The following LPP variants were observed in gnomAD, a reference collection of about 807,000 sequenced individuals.
LPP encodes the protein lipoma-preferred partner.
LPP carries 38 observed loss-of-function variants against 60.4 expected under a neutral mutation model. The ratio of observed to expected loss-of-function variants is 0.63; its 90% CI spans 0.49 to 0.83. The LOEUF is 0.83. Among genes scored for constraint, LPP ranks in the 40% least tolerant of loss-of-function variants. The pLI, the probability that LPP is intolerant of heterozygous loss-of-function variation, is 0.00. For missense variants in LPP, 902 were observed against 783.6 expected, an observed-to-expected ratio of 1.15 and a Z score of -1.80; for synonymous variants, 328 against 290.8, an observed-to-expected ratio of 1.13 and a Z score of -1.30.
At chr3:188,375,048 G>A (rs999258735) in intron 3 of LPP, among the ~76,000 whole-genome samples, 9 of 152,146 alleles carry the variant, frequency 5.9e-5, no homozygotes, top group Non-Finnish European at 8.8e-5. Context: ...TGCATCCCAG[G>A]GATGAAACCC....
intron 1 of LPP, among the ~76,000 whole-genome samples, chr3:188,220,857 G>GC (rs1365796999): frequency 1.3e-5 from 2 of 152,140 alleles, no homozygotes; most frequent in African/African-American, 4.8e-5. Context: ...AAAGCCACCT[G>GC]CCCCCCGACT....
At chr3:188,375,655 A>C (rs1774822516) in intron 3 of LPP, among the ~76,000 whole-genome samples, 1 of 152,126 alleles carries the variant, frequency 6.6e-6, no homozygotes, top group Non-Finnish European at 1.5e-5. Flanking sequence ...TAAAAAAACC[A>C]GCTCCTGGAT....
intron 9 of LPP, among the ~76,000 whole-genome samples, chr3:188,851,132 G>A (rs1232587521): frequency 6.6e-6 from 1 of 152,202 alleles, no homozygotes; most frequent in Non-Finnish European, 1.5e-5. Flanking sequence ...GCAGCCTCAG[G>A]GGCTGGAAAA....
intron 3 of LPP, among the ~76,000 whole-genome samples, chr3:188,362,623 G>A (rs972715397): frequency 3.3e-5 from 5 of 152,128 alleles, no homozygotes. Flanking sequence ...TTTACAATAT[G>A]AACACACACG....
intron 2 of LPP, among the ~76,000 whole-genome samples, chr3:188,306,233 A>T (rs1323896065): frequency 6.7e-6 from 1 of 148,502 alleles, no homozygotes; most frequent in East Asian, 2.0e-4. Context: ...GGTGTGCACC[A>T]CCATGTCCAG....
intron 3 of LPP, among the ~76,000 whole-genome samples, chr3:188,381,877 A>G (rs1776994114): frequency 6.6e-6 from 1 of 151,890 alleles, no homozygotes. Context: ...CATGTTCCAG[A>G]CTCAAGCTAT....
intron 6 of LPP, among the ~76,000 whole-genome samples, chr3:188,600,563 T>A (rs1840939539): frequency 1.3e-5 from 2 of 152,032 alleles, no homozygotes; most frequent in Non-Finnish European, 2.9e-5. Flanking sequence ...ATATACATAA[T>A]ACAGAATTTC....
intron 3 of LPP, among the ~76,000 whole-genome samples, chr3:188,405,703 GATTATT>G (rs1000658007): frequency 3.3e-5 from 5 of 152,074 alleles, no homozygotes; most frequent in African/African-American, 1.2e-4. Flanking sequence ...TAATTTAATA[GATTATT>G]AATAAAATTC....
intron 4 of LPP, among the ~76,000 whole-genome samples, chr3:188,484,223 A>G (rs1035408255): frequency 2.0e-5 from 3 of 152,136 alleles, no homozygotes; most frequent in South Asian, 2.1e-4. Flanking sequence ...ACCTTGTGTT[A>G]TCTTTAGTTT....
chr3:188,548,958 G>A (rs1827358270), intron 6 of LPP, among the ~76,000 whole-genome samples: 1 of 152,116 alleles, frequency 6.6e-6, no homozygotes, highest in African/African-American at 2.4e-5. Context: ...ATACCACGTG[G>A]GATAACTATA....
intron 9 of LPP, among the ~76,000 whole-genome samples, chr3:188,822,961 G>T (rs1754402471): frequency 6.6e-6 from 1 of 151,904 alleles, no homozygotes; most frequent in South Asian, 2.1e-4. Flanking sequence ...TTTTATTAGG[G>T]CAGGTTTTTT....
chr3:188,622,000 G>A (rs1845890587), intron 7 of LPP, among the ~76,000 whole-genome samples: 1 of 152,148 alleles, frequency 6.6e-6, no homozygotes, highest in Non-Finnish European at 1.5e-5. Flanking sequence ...TGCTCTAAAA[G>A]TCAGGGATGG....
Position 188,462,551 on chromosome 3 carries a change from T to TATAA in LPP, c.194-22038_194-22037insAATA, listed in dbSNP as rs1255929933. On this transcript the variant is annotated intron_variant, in intron 4 of 11. Coordinates refer to ENST00000617246, the MANE Select transcript of LPP (RefSeq NM_001375462.1). Reference sequence around the variant, plus strand: ...AGCCAATTTATATGAGCTTTATATATATATATATATATATATATATATATA... The same window carrying TATAA: ...AGCCAATTTATATGAGCTTTATATATATAAATATATATATATATATATATATATA... 3.5e-4 allele frequency among the ~76,000 whole-genome samples: 11 copies of TATAA among 31,604 alleles called. 1 individual carries two copies. The highest frequency in any genetic ancestry group is 6.7e-4 in the Non-Finnish European group (11 of 16,428). The allele number at this position is 31,604 out of a possible 152,430, so 20.7% of individuals were successfully genotyped here.
chr3:188,834,513 T>C (rs1757928288), intron 9 of LPP, among the ~76,000 whole-genome samples: 1 of 151,994 alleles, frequency 6.6e-6, no homozygotes, highest in South Asian at 2.1e-4. Context: ...CCAAGGAAGT[T>C]GCCTGCTTTC....
intron 2 of LPP, among the ~76,000 whole-genome samples, chr3:188,239,432 C>A (rs767034348): frequency 6.6e-6 from 1 of 152,152 alleles, no homozygotes; most frequent in Admixed American, 6.5e-5. Context: ...GTCGATTACA[C>A]GGCTGAAAGG....
At chr3:188,779,546 C>G (rs1206502806) in intron 9 of LPP, among the ~76,000 whole-genome samples, 1 of 151,578 alleles carries the variant, frequency 6.6e-6, no homozygotes, top group Non-Finnish European at 1.5e-5. Flanking sequence ...ACAAAAGATA[C>G]AAACAGAAGG....
intron 9 of LPP, among the ~76,000 whole-genome samples, chr3:188,851,984 C>T (rs969484876): frequency 6.6e-6 from 1 of 151,940 alleles, no homozygotes; most frequent in Non-Finnish European, 1.5e-5. Context: ...GCTGACATGG[C>T]GAAAACCTGT....
At chr3:188,565,369 A>T (rs1483915558) in intron 6 of LPP, among the ~76,000 whole-genome samples, 1 of 151,966 alleles carries the variant, frequency 6.6e-6, no homozygotes, top group Non-Finnish European at 1.5e-5. Flanking sequence ...GCAAGTAAAC[A>T]AGTTGTGGAC....
chr3:188,708,243 G>A (rs1401351502), intron 7 of LPP, 24 bp from the exon 8 acceptor site: 1 of 1,613,206 alleles, frequency 6.2e-7, no homozygotes, highest in Non-Finnish European at 8.5e-7. Context: ...GCAATTAAAG[G>A]ACTGTGTGCT....
Sources: allele counts gnomAD v4.1 joint callset (sites outside exome capture counted in the v4.1 genomes callset), GRCh38; gene constraint gnomAD v4.1.1; transcripts MANE v1.5; gene names NCBI Gene and HGNC (gene_info 2026-07-23, HGNC 2026-07-21).